PVT1: variants seen among roughly 807,000 people sequenced by gnomAD.
PVT1 encodes CXCR4/PVT1 fusion.
At chr8:127,894,344 G>A (rs1815647362) in intron 3 of PVT1, among the ~76,000 whole-genome samples, 1 of 152,188 alleles carries the variant, frequency 6.6e-6, no homozygotes, top group Admixed American at 6.5e-5. Flanking sequence ...CAGCTGGTGT[G>A]TATGAATACC....
intron 3 of PVT1, among the ~76,000 whole-genome samples, chr8:127,930,482 A>G (rs1816192673): frequency 6.6e-6 from 1 of 152,124 alleles, no homozygotes; most frequent in African/African-American, 2.4e-5. Context: ...TGGAGAATAA[A>G]ATAAACCCGG....
rs1345770918 is a variant in PVT1 at position 128,003,972 on chromosome 8, C to T, written n.912+14681C>T. Among the ~76,000 whole-genome samples, 5 of 152,328 alleles carry T rather than the reference C, an allele frequency of 3.3e-5. No homozygotes were observed. In the East Asian group the frequency reaches 9.6e-4, roughly 29 times the overall value. ...TGGTGGGGGCTCTCCTCTTGGCTTG[C>T]AGATGGTTGCCTTCTTCTGTGTCCT... is the stretch of plus-strand genomic sequence containing the variant. On this transcript the variant is annotated intron_variant and non_coding_transcript_variant, in intron 4 of 10. Coordinates refer to ENST00000651587, the Ensembl canonical transcript of PVT1.
chr8:128,087,746 A>AATTTTTTTTTTTTTTTTT, intron 5 of PVT1, among the ~76,000 whole-genome samples: 1 of 94,722 alleles, frequency 1.1e-5, no homozygotes, highest in African/African-American at 4.1e-5. Context: ...CTGATGTGCT[A>AATTTTTTTTTTTTTTTTT]CTTTTTTTTT....
At chr8:127,945,573 G>C (rs1030650929) in intron 3 of PVT1, among the ~76,000 whole-genome samples, 13 of 152,210 alleles carry the variant, frequency 8.5e-5, no homozygotes, top group Non-Finnish European at 1.5e-5. Context: ...TCCAAAGGCA[G>C]CATGAATCCT....
intron 4 of PVT1, among the ~76,000 whole-genome samples, chr8:128,025,738 T>G (rs904522): frequency 0.84 from 127,472 of 152,166 alleles, 53,788 homozygotes; most frequent in African/African-American, 0.94. Context: ...TAATTAACGT[T>G]TTGAAAGCTC....
intron 4 of PVT1, among the ~76,000 whole-genome samples, chr8:128,068,560 G>A (rs891677437): frequency 4.6e-5 from 7 of 152,156 alleles, no homozygotes; most frequent in African/African-American, 9.7e-5. Flanking sequence ...GCAGTGGTGC[G>A]ATCTCGGCTC....
At chr8:127,953,115 C>G (rs186554095) in intron 3 of PVT1, among the ~76,000 whole-genome samples, 1 of 152,226 alleles carries the variant, frequency 6.6e-6, no homozygotes, top group Non-Finnish European at 1.5e-5. Context: ...GCTTCTCTGT[C>G]CTTCCTCAAT....
rs61306610 is a variant in PVT1, at chr8:127,860,054, G to A, written n.373-30535G>A. ...CCCGTGACTGGCTGCGGCTGCCAGC[G>A]GTGATGAGAACTGATGACACTCCAG... On this transcript the variant is annotated intron_variant and non_coding_transcript_variant, in intron 2 of 10. Transcript: ENST00000651587. Among the ~76,000 whole-genome samples the A allele has an allele frequency of 6.6e-3, 1,000 of 152,224 alleles. 11 individuals carry two copies. The highest frequency in any genetic ancestry group is 0.023 in the African/African-American group (946 of 41,540).
chr8:128,038,490 A>G (rs1486402781), intron 4 of PVT1, among the ~76,000 whole-genome samples: 1 of 152,204 alleles, frequency 6.6e-6, no homozygotes, highest in Non-Finnish European at 1.5e-5. Context: ...AGCAGTGATA[A>G]GTCCTAAGAG....
chr8:127,873,577 T>TA (rs1387387120), intron 2 of PVT1, among the ~76,000 whole-genome samples: 1 of 152,116 alleles, frequency 6.6e-6, no homozygotes, highest in Non-Finnish European at 1.5e-5. Context: ...CATTTTATCC[T>TA]CCCAGCAGGT....
chr8:127,962,388 T>C (rs1816655359), intron 3 of PVT1, among the ~76,000 whole-genome samples: 2 of 152,242 alleles, frequency 1.3e-5, no homozygotes, highest in African/African-American at 4.8e-5. Flanking sequence ...TTGACACATG[T>C]GTTCCTTCTT....
At chr8:127,938,476 G>A (rs1816306293) in intron 3 of PVT1, among the ~76,000 whole-genome samples, 1 of 152,176 alleles carries the variant, frequency 6.6e-6, no homozygotes, top group South Asian at 2.1e-4. Flanking sequence ...AGGGGCTGCT[G>A]ATAGGAACCC....
At chr8:128,045,655 G>A (rs1412585237) in intron 4 of PVT1, among the ~76,000 whole-genome samples, 1 of 152,194 alleles carries the variant, frequency 6.6e-6, no homozygotes, top group East Asian at 1.9e-4. Flanking sequence ...TACAAAAGCA[G>A]TGATCCAGGG....
At chr8:127,810,422 AGTGCCTG>A (rs954143239) in intron 2 of PVT1, among the ~76,000 whole-genome samples, 2 of 152,224 alleles carry the variant, frequency 1.3e-5, no homozygotes, top group Admixed American at 6.5e-5. Flanking sequence ...TATTAGCTTG[AGTGCCTG>A]GTGCGTCAGA....
chr8:127,800,337 A>T (rs1814449278), intron 2 of PVT1, among the ~76,000 whole-genome samples: 1 of 152,050 alleles, frequency 6.6e-6, no homozygotes, highest in East Asian at 1.9e-4. Flanking sequence ...AAGAGACAAA[A>T]ATCCCTGCCC....
At chr8:128,055,677 A>AGCATTT (rs1247874687) in intron 4 of PVT1, among the ~76,000 whole-genome samples, 3 of 152,128 alleles carry the variant, frequency 2.0e-5, no homozygotes, top group African/African-American at 7.2e-5. Flanking sequence ...TCCACATGGG[A>AGCATTT]GCATTTGGAA....
intron 3 of PVT1, among the ~76,000 whole-genome samples, chr8:127,901,024 C>T (rs769585296): frequency 6.6e-6 from 1 of 152,188 alleles, no homozygotes; most frequent in Non-Finnish European, 1.5e-5. Context: ...ATGGGGGCCC[C>T]TTGCAGAAGC....
intron 2 of PVT1, among the ~76,000 whole-genome samples, chr8:127,838,119 A>T (rs1814929728): frequency 6.6e-6 from 1 of 151,574 alleles, no homozygotes; most frequent in African/African-American, 2.4e-5. Context: ...CTGGTCTCGA[A>T]CTCCCAACCT....
intron 4 of PVT1, among the ~76,000 whole-genome samples, chr8:128,028,360 T>C (rs1813344909): frequency 6.6e-6 from 1 of 152,228 alleles, no homozygotes; most frequent in African/African-American, 2.4e-5. Context: ...AGGCTGGGGC[T>C]GTTCCCACAG....
Sources: allele counts gnomAD v4.1 joint callset (sites outside exome capture counted in the v4.1 genomes callset), GRCh38; gene constraint gnomAD v4.1.1; transcripts MANE v1.5; gene names NCBI Gene and HGNC (gene_info 2026-07-23, HGNC 2026-07-21).